SBF2: variants seen among roughly 807,000 people sequenced by gnomAD.
SBF2 encodes myotubularin-related protein 13.
In SBF2, 112 loss-of-function variants were observed where a neutral mutation model predicts 225.2. That is an observed-to-expected ratio of 0.50 (90% CI 0.43 to 0.58). The LOEUF (loss-of-function observed/expected upper bound fraction) is 0.58, where lower values mean the gene tolerates loss of function less well. Among genes scored for constraint, SBF2 ranks in the 20% least tolerant of loss-of-function variants. The probability of loss-of-function intolerance (pLI) is 0.00; values close to 1 mark genes in which losing one functional copy is unlikely to be tolerated. For missense variants in SBF2, 1,996 were observed against 2,206.2 expected, an observed-to-expected ratio of 0.90 and a Z score of 1.91; for synonymous variants, 763 against 773.3, an observed-to-expected ratio of 0.99 and a Z score of 0.22.
At chr11:10,257,826 G>T (rs1227596896) in intron 1 of SBF2, among the ~76,000 whole-genome samples, 1 of 151,848 alleles carries the variant, frequency 6.6e-6, no homozygotes, top group African/African-American at 2.4e-5. Context: ...GTGAAACTCT[G>T]TCTCTATAAA....
intron 2 of SBF2, among the ~76,000 whole-genome samples, chr11:10,107,967 A>C (rs1952626826): frequency 6.6e-6 from 1 of 152,240 alleles, no homozygotes; most frequent in African/African-American, 2.4e-5. Flanking sequence ...TAGAGGAAAG[A>C]ATTGCAAAGA....
At chr11:10,286,440 A>G (rs903782188) in intron 1 of SBF2, among the ~76,000 whole-genome samples, 1 of 144,224 alleles carries the variant, frequency 6.9e-6, no homozygotes, top group African/African-American at 2.6e-5. Flanking sequence ...GCTCACTGCA[A>G]TCTCTGCCTC....
intron 27 of SBF2, 188 bp from the exon 28 acceptor site, chr11:9,829,684 T>C: frequency 1.7e-6 from 1 of 574,950 alleles, no homozygotes; most frequent in South Asian, 2.0e-5. Flanking sequence ...AATCCTCCAC[T>C]GTAATGCTGG....
chr11:10,122,060 C>G (rs927504212), intron 2 of SBF2, among the ~76,000 whole-genome samples: 2 of 152,104 alleles, frequency 1.3e-5, no homozygotes, highest in Non-Finnish European at 2.9e-5. Context: ...AAAGAGAAGC[C>G]ATAAAGTGCT....
intron 2 of SBF2, among the ~76,000 whole-genome samples, chr11:10,134,750 C>T (rs1954265698): frequency 6.6e-6 from 1 of 152,202 alleles, no homozygotes; most frequent in Admixed American, 6.5e-5. Flanking sequence ...TGGTCTTGGG[C>T]AGCTCCGCCC....
At chr11:10,155,308 GTTT>G (rs745650373) in intron 2 of SBF2, among the ~76,000 whole-genome samples, 11 of 152,090 alleles carry the variant, frequency 7.2e-5, no homozygotes, top group Non-Finnish European at 1.3e-4. Context: ...TAAATTTCAT[GTTT>G]TTAATTTGTT....
Position 9,832,436 on chromosome 11 carries a change from A to G in SBF2, c.3456-16T>C. On this transcript the variant is annotated splice_polypyrimidine_tract_variant and intron_variant, in intron 26 of 39. Transcript: ENST00000256190. ...GCCAGGATAGCTTCAGAGACATAGA[A>G]TAGAGAAGAGAATGATTGGGGGAAG... 1 of 1,592,580 alleles carries G rather than the reference A, an allele frequency of 6.3e-7. No homozygotes were observed. Among genetic ancestry groups the G allele is most frequent in the East Asian group, 2.2e-5 (1 of 44,770 alleles).
intron 1 of SBF2, 123 bp downstream of exon 1, chr11:10,293,883 CGACCGCCCG>C: frequency 1.6e-6 from 1 of 629,058 alleles, no homozygotes; most frequent in Non-Finnish European, 2.2e-6. Context: ...GGCCGGACGC[CGACCGCCCG>C]CTCCTCCGAG....
intron 1 of SBF2, among the ~76,000 whole-genome samples, chr11:10,254,530 T>G (rs1336331536): frequency 6.6e-6 from 1 of 151,534 alleles, no homozygotes; most frequent in African/African-American, 2.4e-5. Flanking sequence ...AGATATGGAA[T>G]CAACTTAAGT....
intron 1 of SBF2, among the ~76,000 whole-genome samples, chr11:10,270,863 C>A (rs1054694191): frequency 6.6e-6 from 1 of 151,708 alleles, no homozygotes; most frequent in Admixed American, 6.6e-5. Context: ...AGCCTGGTGG[C>A]GGGGGCCTGT....
At chr11:10,130,771 T>C (rs970141821) in intron 2 of SBF2, among the ~76,000 whole-genome samples, 9 of 152,238 alleles carry the variant, frequency 5.9e-5, no homozygotes, top group Admixed American at 4.6e-4. Flanking sequence ...GAGAATGCTA[T>C]ATAAATTGAA....
chr11:9,808,510 A>G (rs1853979055), intron 31 of SBF2: 5 of 443,434 alleles, frequency 1.1e-5, no homozygotes, highest in South Asian at 8.4e-5. Flanking sequence ...TTTTTGGCAG[A>G]TGCAGATTAA....
chr11:10,131,834 A>T (rs929663367), intron 2 of SBF2, among the ~76,000 whole-genome samples: 2 of 152,186 alleles, frequency 1.3e-5, no homozygotes, highest in African/African-American at 4.8e-5. Flanking sequence ...ATTACAGGGT[A>T]TTTAGCACAG....
chr11:9,992,975 A>G lies in SBF2; in HGVS notation c.1167+15T>C. On this transcript the variant is annotated intron_variant, in intron 11 of 39. Coordinates refer to ENST00000256190, the MANE Select transcript of SBF2 (RefSeq NM_030962.4). The stretch of plus-strand genomic sequence containing the variant: ...TATATTTTTTGGACAGATACAATAT[A>G]GTACTCTATCTTACCTTGTGGAAAT... The G allele has an allele frequency of 6.5e-7, 1 of 1,530,494 alleles. No homozygotes were observed. 94.8% of individuals were successfully genotyped at this position (1,530,494 alleles called of 1,614,324 possible). A position where few individuals can be genotyped will look rare whatever the true frequency, so the allele number is the denominator to read the frequency against.
intron 1 of SBF2, among the ~76,000 whole-genome samples, chr11:10,272,650 T>C (rs955304468): frequency 6.6e-6 from 1 of 151,966 alleles, no homozygotes; most frequent in African/African-American, 2.4e-5. Context: ...CATGTGCCTG[T>C]AGTCCCAGCT....
chr11:10,183,876 A>G (rs1353499686), intron 2 of SBF2, among the ~76,000 whole-genome samples: 1 of 152,210 alleles, frequency 6.6e-6, no homozygotes, highest in Non-Finnish European at 1.5e-5. Flanking sequence ...ATTGGTTAAC[A>G]GACACAGAGT....
At chr11:10,164,101 T>C (rs1323525643) in intron 2 of SBF2, among the ~76,000 whole-genome samples, 1 of 152,190 alleles carries the variant, frequency 6.6e-6, no homozygotes, top group Non-Finnish European at 1.5e-5. Context: ...CAATTAGTCA[T>C]CCAACCAAAC....
intron 1 of SBF2, among the ~76,000 whole-genome samples, chr11:10,261,760 G>A (rs1019601360): frequency 1.3e-5 from 2 of 152,194 alleles, no homozygotes; most frequent in Admixed American, 6.5e-5. Context: ...CAAACTTGTT[G>A]ATTCACATAA....
chr11:10,248,120 G>A (rs1376270376), intron 1 of SBF2, among the ~76,000 whole-genome samples: 1 of 152,086 alleles, frequency 6.6e-6, no homozygotes, highest in Non-Finnish European at 1.5e-5. Flanking sequence ...ATAAGGCCTG[G>A]CGACCTGTGA....
Sources: allele counts gnomAD v4.1 joint callset (sites outside exome capture counted in the v4.1 genomes callset), GRCh38; gene constraint gnomAD v4.1.1; transcripts MANE v1.5; gene names NCBI Gene and HGNC (gene_info 2026-07-23, HGNC 2026-07-21).